The following DCC variants were observed in gnomAD, a reference collection of about 807,000 sequenced individuals.
DCC encodes the protein netrin receptor DCC.
In DCC, 58 loss-of-function variants were observed where a neutral mutation model predicts 172.5. That is an observed-to-expected ratio of 0.34 (90% confidence interval 0.27 to 0.42). The LOEUF (loss-of-function observed/expected upper bound fraction) is 0.42, where lower values mean the gene tolerates loss of function less well. DCC is among the 10% of genes least tolerant of loss of function. The pLI, the probability that DCC is intolerant of heterozygous loss-of-function variation, is 1.00. For synonymous variants in DCC, 709 were observed against 644.5 expected, an observed-to-expected ratio of 1.10 and a Z score of -1.52; for missense variants, 1,740 against 1,791.0, an observed-to-expected ratio of 0.97 and a Z score of 0.51.
chr18:53,310,306 A>G (rs2057251448), intron 13 of DCC, among the ~76,000 whole-genome samples: 1 of 152,168 alleles, frequency 6.6e-6, no homozygotes, highest in Non-Finnish European at 1.5e-5. Context: ...TAAAATGTAA[A>G]GGATTTGATC....
intron 5 of DCC, among the ~76,000 whole-genome samples, chr18:52,940,052 C>T (rs1327987553): frequency 6.6e-6 from 1 of 152,154 alleles, no homozygotes. Context: ...GAAACAGAAC[C>T]TGTAGGGTTG....
intron 2 of DCC, among the ~76,000 whole-genome samples, chr18:52,836,840 C>A (rs2038714741): frequency 6.6e-6 from 1 of 152,230 alleles, no homozygotes; most frequent in Non-Finnish European, 1.5e-5. Flanking sequence ...TGCAGGGTTC[C>A]AACTCCACAT....
chr18:52,907,254 T>TATGTCATGGATATATACATG (rs2039898212), intron 3 of DCC, among the ~76,000 whole-genome samples: 1 of 145,022 alleles, frequency 6.9e-6, no homozygotes, highest in African/African-American at 2.7e-5. Flanking sequence ...ATATACATGA[T>TATGTCATGGATATATACATG]ATGTCATGGA....
At chr18:52,983,559 G>A (rs1049458625) in intron 5 of DCC, among the ~76,000 whole-genome samples, 2 of 152,120 alleles carry the variant, frequency 1.3e-5, no homozygotes, top group South Asian at 2.1e-4. Flanking sequence ...CTTTGGGTTT[G>A]TGTATGTGGT....
chr18:52,790,509 C>G (rs563753400), intron 2 of DCC, among the ~76,000 whole-genome samples: 2 of 152,092 alleles, frequency 1.3e-5, no homozygotes, highest in Non-Finnish European at 2.9e-5. Flanking sequence ...TTCCCTTCCC[C>G]CTAGCTCAAC....
chr18:52,390,014 AG>A (rs1000494616), intron 1 of DCC, among the ~76,000 whole-genome samples: 15 of 152,162 alleles, frequency 9.9e-5, no homozygotes, highest in Non-Finnish European at 2.2e-4. Context: ...ACAATATGCC[AG>A]AAGTTATAGC....
At chr18:52,740,474 T>C (rs1269955869) in intron 1 of DCC, among the ~76,000 whole-genome samples, 1 of 152,166 alleles carries the variant, frequency 6.6e-6, no homozygotes, top group African/African-American at 2.4e-5. Flanking sequence ...CTTTAGAAAA[T>C]TGGACTTGTT....
intron 16 of DCC, among the ~76,000 whole-genome samples, chr18:53,388,238 T>C (rs1300376040): frequency 1.3e-5 from 2 of 152,230 alleles, no homozygotes; most frequent in East Asian, 3.8e-4. Flanking sequence ...AAAACACTTT[T>C]TCTGGAAGTG....
At chr18:52,354,941 C>A (rs553724435) in intron 1 of DCC, among the ~76,000 whole-genome samples, 1 of 152,204 alleles carries the variant, frequency 6.6e-6, no homozygotes, top group East Asian at 1.9e-4. Context: ...GGAAATTCTG[C>A]AAATAGCAAA....
At chr18:52,846,242 C>T (rs1232043325) in intron 2 of DCC, among the ~76,000 whole-genome samples, 2 of 152,056 alleles carry the variant, frequency 1.3e-5, no homozygotes, top group African/African-American at 4.8e-5. Flanking sequence ...AGTTCTGAGC[C>T]TCAAGGAATT....
intron 2 of DCC, among the ~76,000 whole-genome samples, chr18:52,852,873 T>C (rs2145343578): frequency 6.6e-6 from 1 of 152,320 alleles, no homozygotes; most frequent in Middle Eastern, 3.4e-3. Flanking sequence ...TCTCATTTGG[T>C]CTACCCAGCT....
chr18:53,306,958 A>G (rs868704701), intron 13 of DCC, among the ~76,000 whole-genome samples: 1 of 152,204 alleles, frequency 6.6e-6, no homozygotes, highest in Non-Finnish European at 1.5e-5. Flanking sequence ...TGCAAGTGAG[A>G]AAAAAGAAAG....
intron 1 of DCC, among the ~76,000 whole-genome samples, chr18:52,726,629 A>G (rs1171672300): frequency 6.6e-6 from 1 of 152,124 alleles, no homozygotes; most frequent in Non-Finnish European, 1.5e-5. Flanking sequence ...TTTGCATTGA[A>G]ACCCAGGTCT....
intron 1 of DCC, among the ~76,000 whole-genome samples, chr18:52,636,968 A>G (rs1435546341): frequency 6.6e-6 from 1 of 152,124 alleles, no homozygotes; most frequent in Non-Finnish European, 1.5e-5. Context: ...TGGCTGAGAG[A>G]CCCATAGACG....
At chr18:52,481,319 G>A (rs980255185) in intron 1 of DCC, among the ~76,000 whole-genome samples, 4 of 150,224 alleles carry the variant, frequency 2.7e-5, no homozygotes, top group Non-Finnish European at 6.0e-5. Flanking sequence ...GGCTCACACA[G>A]TTGGCCACCT....
intron 3 of DCC, among the ~76,000 whole-genome samples, chr18:52,921,699 AAATAAAAAT>A (rs1269047414): frequency 4.1e-5 from 5 of 123,446 alleles, no homozygotes; most frequent in South Asian, 2.3e-4. Flanking sequence ...TCCATCTCAA[AAATAAAAAT>A]AATAATAATA....
chr18:52,427,851 C>T (rs59844385), intron 1 of DCC, among the ~76,000 whole-genome samples: 2,111 of 87,004 alleles, frequency 0.024, 99 homozygotes, highest in South Asian at 0.095. Flanking sequence ...TTCCTTCCTT[C>T]CTTCCTTCCT....
At chr18:52,955,025 C>T (rs1479457732) in intron 5 of DCC, among the ~76,000 whole-genome samples, 3 of 152,076 alleles carry the variant, frequency 2.0e-5, no homozygotes, top group Non-Finnish European at 2.9e-5. Context: ...ATGATGCATT[C>T]GTGATAATCA....
intron 5 of DCC, among the ~76,000 whole-genome samples, chr18:52,972,710 T>A (rs1034481622): frequency 2.0e-5 from 3 of 152,220 alleles, no homozygotes; most frequent in Non-Finnish European, 4.4e-5. Context: ...TTAGCACAAA[T>A]GTACTTCTCA....
Sources: allele counts gnomAD v4.1 joint callset (sites outside exome capture counted in the v4.1 genomes callset), GRCh38; gene constraint gnomAD v4.1.1; transcripts MANE v1.5; gene names NCBI Gene and HGNC (gene_info 2026-07-23, HGNC 2026-07-21).